The following SOX6 variants were observed in gnomAD, a reference collection of about 807,000 sequenced individuals.
The protein encoded by SOX6 is transcription factor SOX-6.
In SOX6, 11 loss-of-function variants were observed where a neutral mutation model predicts 97.8. The observed-to-expected ratio is 0.11, with a 90% CI of 0.07 to 0.19. The LOEUF (loss-of-function observed/expected upper bound fraction) is 0.19, where lower values mean the gene tolerates loss of function less well. Among genes scored for constraint, SOX6 ranks in the 10% least tolerant of loss-of-function variants. The pLI, the probability that SOX6 is intolerant of heterozygous loss-of-function variation, is 1.00. For missense variants in SOX6, 810 were observed against 1,039.5 expected (o/e 0.78, Z 3.04); for synonymous variants, 360 against 371.4 (o/e 0.97, Z 0.35).
At chr11:16,207,791 T>C (rs1292831908) in intron 4 of SOX6, among the ~76,000 whole-genome samples, 1 of 148,964 alleles carries the variant, frequency 6.7e-6, no homozygotes, top group African/African-American at 2.5e-5. Flanking sequence ...AAAAATATAA[T>C]TTTTTAAAAC....
rs34111311 is a variant in SOX6 at position 16,733,723 on chromosome 11, TAAA to T, written n.353+2613_353+2615del. Among the ~76,000 whole-genome samples, 78 of 116,650 alleles carry T rather than the reference TAAA, an allele frequency of 6.7e-4. 1 individual carries two copies. Among genetic ancestry groups the T allele is most frequent in the East Asian group, 5.3e-3 (20 of 3,780 alleles). 76.5% of individuals were successfully genotyped at this position (116,650 alleles called of 152,430 possible). On this transcript the variant is annotated intron_variant and non_coding_transcript_variant, in intron 2 of 5. Coordinates refer to the SOX6 transcript ENST00000524520. ...CACATGTATCCCAGAACTTAAAGTATAAAAAAAAAAAAAAAAAAAAGGGCCAGG... is the reference window on the plus strand; with the variant it reads ...CACATGTATCCCAGAACTTAAAGTATAAAAAAAAAAAAAAAAAGGGCCAGG...
chr11:16,167,900 C>G (rs998673654), intron 6 of SOX6, among the ~76,000 whole-genome samples: 2 of 152,160 alleles, frequency 1.3e-5, no homozygotes, highest in Non-Finnish European at 2.9e-5. Context: ...GCCTGCCTCC[C>G]CACAGTGGAA....
intron 4 of SOX6, among the ~76,000 whole-genome samples, chr11:16,609,055 G>C (rs1408698193): frequency 6.6e-6 from 1 of 152,136 alleles, no homozygotes; most frequent in East Asian, 1.9e-4. Flanking sequence ...AGATTTGAAG[G>C]ACATAGAATG....
At position 16,132,694 on chromosome 11, in the gene SOX6, CTT is replaced by C. The variant is rs111965760; in HGVS notation, c.778-20773_778-20772del. Among the ~76,000 whole-genome samples, 1,303 of 137,176 alleles carry C rather than the reference CTT, an allele frequency of 9.5e-3. 21 individuals carry two copies. The highest frequency in any genetic ancestry group is 0.032 in the African/African-American group (1,204 of 37,842). 90.0% of individuals were successfully genotyped at this position (137,176 alleles called of 152,430 possible). ...TATCCCTCTTGAGCTATCGGGTTAC[CTT>C]TTTTTTTTTTTTTTGTTCCATTTAC... On this transcript the variant is annotated intron_variant, in intron 6 of 15. Transcript: ENST00000683767.
At chr11:16,536,505 C>T (rs1357783231) in intron 4 of SOX6, among the ~76,000 whole-genome samples, 2 of 152,196 alleles carry the variant, frequency 1.3e-5, no homozygotes, top group Admixed American at 1.3e-4. Context: ...GGGGCATCGC[C>T]TCACCTGGGA....
intron 11 of SOX6, among the ~76,000 whole-genome samples, chr11:16,047,412 G>A (rs184548706): frequency 3.3e-5 from 5 of 152,124 alleles, no homozygotes; most frequent in East Asian, 1.9e-4. Context: ...ATGACAATGA[G>A]GCGATATGTG....
chr11:16,045,651 G>A (rs868775572), intron 12 of SOX6, among the ~76,000 whole-genome samples: 1 of 152,006 alleles, frequency 6.6e-6, no homozygotes, highest in Admixed American at 6.6e-5. Context: ...CTGCCACACT[G>A]GCCTCCTTGG....
chr11:16,251,096 G>GAA (rs1853495818), intron 3 of SOX6, among the ~76,000 whole-genome samples: 1 of 152,088 alleles, frequency 6.6e-6, no homozygotes, highest in Non-Finnish European at 1.5e-5. Flanking sequence ...ATTTCAAACT[G>GAA]AGTTATAATG....
intron 4 of SOX6, among the ~76,000 whole-genome samples, chr11:16,192,216 A>G (rs1851650711): frequency 6.6e-6 from 1 of 152,168 alleles, no homozygotes; most frequent in South Asian, 2.1e-4. Context: ...CTTTTTATTC[A>G]AGTAACTACA....
At chr11:16,723,327 G>A (rs552105578) in intron 2 of SOX6, among the ~76,000 whole-genome samples, 6 of 152,184 alleles carry the variant, frequency 3.9e-5, no homozygotes, top group East Asian at 3.9e-4. Flanking sequence ...GGCTTCTTGC[G>A]GAGGGGGAAG....
intron 3 of SOX6, among the ~76,000 whole-genome samples, chr11:16,275,152 T>C (rs1001750325): frequency 5.8e-4 from 88 of 152,060 alleles, no homozygotes; most frequent in Non-Finnish European, 1.9e-4. Context: ...AAAGTAAGGA[T>C]TCTTCGCAAT....
chr11:16,117,844 G>A (rs1426201107), intron 6 of SOX6, among the ~76,000 whole-genome samples: 1 of 152,056 alleles, frequency 6.6e-6, no homozygotes, highest in African/African-American at 2.4e-5. Context: ...AGTCACATTG[G>A]AAACAGCAAC....
At chr11:16,262,543 G>A (rs1156970129) in intron 3 of SOX6, among the ~76,000 whole-genome samples, 1 of 152,042 alleles carries the variant, frequency 6.6e-6, no homozygotes, top group Non-Finnish European at 1.5e-5. Context: ...ACAAACCAAA[G>A]TGTAATATTT....
chr11:16,668,643 A>G (rs1333266017), intron 3 of SOX6, among the ~76,000 whole-genome samples: 1 of 152,200 alleles, frequency 6.6e-6, no homozygotes, highest in African/African-American at 2.4e-5. Context: ...AGACCCAACA[A>G]TCTGTTGCCT....
chr11:16,187,082 C>A, intron 4 of SOX6, 127 bp from the exon 5 acceptor site: 1 of 995,462 alleles, frequency 1.0e-6, no homozygotes, highest in Non-Finnish European at 1.6e-6. Context: ...GACTGGAGGC[C>A]ATTGAGGGTA....
chr11:16,680,229 A>G (rs1847915921), intron 3 of SOX6, among the ~76,000 whole-genome samples: 1 of 152,244 alleles, frequency 6.6e-6, no homozygotes, highest in Admixed American at 6.5e-5. Flanking sequence ...GTTACCCACA[A>G]AGGGAAGCCC....
intron 9 of SOX6, among the ~76,000 whole-genome samples, chr11:16,066,875 C>T (rs1332379406): frequency 6.6e-6 from 1 of 152,068 alleles, no homozygotes; most frequent in South Asian, 2.1e-4. Flanking sequence ...GCCATAGGAG[C>T]CCACCTTTTG....
intron 3 of SOX6, among the ~76,000 whole-genome samples, chr11:16,640,831 A>G (rs182380688): frequency 5.3e-4 from 80 of 152,206 alleles, no homozygotes; most frequent in Admixed American, 1.4e-3. Flanking sequence ...CTAGTGGTAT[A>G]TCAATTTTGT....
intron 3 of SOX6, among the ~76,000 whole-genome samples, chr11:16,291,157 T>C (rs1045921745): frequency 5.8e-4 from 88 of 150,508 alleles, no homozygotes; most frequent in African/African-American, 2.0e-3. Flanking sequence ...TGGGAGAAGA[T>C]AGGGGGATAA....
Sources: allele counts gnomAD v4.1 joint callset (sites outside exome capture counted in the v4.1 genomes callset), GRCh38; gene constraint gnomAD v4.1.1; transcripts MANE v1.5; gene names NCBI Gene and HGNC (gene_info 2026-07-23, HGNC 2026-07-21).